UGGT2: variants seen among roughly 807,000 people sequenced by gnomAD.
The protein encoded by UGGT2 is UDP-glucose:glycoprotein glucosyltransferase 2.
Under a neutral mutation model 192.1 loss-of-function variants are expected in UGGT2, and 180 were observed. The observed-to-expected ratio is 0.94, with a 90% CI of 0.83 to 1.06. The LOEUF is 1.06. Ranked by LOEUF, UGGT2 falls within the 50% of genes least tolerant of loss-of-function variation. UGGT2 has a pLI of 0.00. For missense variants in UGGT2, 1,849 were observed against 1,795.7 expected (o/e 1.03, Z -0.54); for synonymous variants, 580 against 591.0 (o/e 0.98, Z 0.27).
At chr13:95,964,750 T>A (rs538768335) in intron 12 of UGGT2, among the ~76,000 whole-genome samples, 1 of 152,064 alleles carries the variant, frequency 6.6e-6, no homozygotes, top group African/African-American at 2.4e-5. Context: ...AAATGGGATC[T>A]AATTAAACTA....
chr13:95,981,135 T>C (rs1833141755), intron 10 of UGGT2, among the ~76,000 whole-genome samples: 1 of 152,220 alleles, frequency 6.6e-6, no homozygotes, highest in African/African-American at 2.4e-5. Context: ...AGCCAGGAGC[T>C]CTGCAGTACC....
At chr13:96,010,195 A>G (rs766622730) in intron 5 of UGGT2, among the ~76,000 whole-genome samples, 4 of 152,204 alleles carry the variant, frequency 2.6e-5, no homozygotes, top group Non-Finnish European at 5.9e-5. Context: ...GCATATGTTC[A>G]CTGCAACACT....
At chr13:95,866,648 T>C (rs1327676804) in intron 30 of UGGT2, among the ~76,000 whole-genome samples, 1 of 152,148 alleles carries the variant, frequency 6.6e-6, no homozygotes, top group South Asian at 2.1e-4. Flanking sequence ...GTAGAGGGTC[T>C]TCTAATAGAT....
At chr13:95,876,475 G>C (rs7998903) in intron 29 of UGGT2, among the ~76,000 whole-genome samples, 46,662 of 151,920 alleles carry the variant, frequency 0.31, 7,770 homozygotes, top group Non-Finnish European at 0.37. Context: ...GGGGCTACAG[G>C]ATCTGGCAGC....
In UGGT2 at chr13:96,031,899, A is replaced by G; in HGVS notation, c.231T>C (p.Tyr77=). The G allele has an allele frequency of 6.2e-7, 1 of 1,609,812 alleles. No homozygotes were observed. Among genetic ancestry groups the G allele is most frequent in the Non-Finnish European group, 8.5e-7 (1 of 1,177,994 alleles). ...TTACATATCACCTACCTGTTTGCTT[A>G]TAAATTGCTAATTCTTGCACAGTTT... is the stretch of plus-strand genomic sequence containing the variant. ...FLETVQELAI[Y]KQTESDYSYY... Residue 77 remains tyrosine (Y), a synonymous_variant, in exon 2 of 39, where the codon TAT becomes TAC. Coordinates refer to ENST00000376747, the MANE Select transcript of UGGT2 (RefSeq NM_020121.4).
intron 24 of UGGT2, among the ~76,000 whole-genome samples, chr13:95,893,910 G>A (rs61972904): frequency 1.4e-4 from 22 of 152,106 alleles, no homozygotes; most frequent in Non-Finnish European, 2.8e-4. Context: ...CTTGGTCCAC[G>A]CAGCAGCTTT....
At position 95,884,676 on chromosome 13, in the gene UGGT2, A is replaced by T. The variant is rs1366366773; in HGVS notation, c.3043T>A (p.Tyr1015Asn). 6.2e-7 allele frequency: 1 copy of T among 1,601,394 alleles called. No individual in the cohort carries two copies. Among genetic ancestry groups the T allele is most frequent in the Admixed American group, 1.8e-5 (1 of 56,826 alleles). The change falls in exon 27 of 39, where the codon TAC (tyrosine) becomes AAC (asparagine). Residue 1015 changes from tyrosine to asparagine, a missense_variant. By Grantham distance (143) the Tyr-to-Asn change is moderately radical (BLOSUM62 -2). Transcript: ENST00000376747. ...RLSEAPLESFYRFVLEPELMS... is the reference protein window; with the variant it reads ...RLSEAPLESFNRFVLEPELMS... ...AGTTCTGGTTCCAGAACAAAACGGT[A>T]AAAGCTGTTAATAAAACATAAAAAT...
At chr13:95,841,191 G>C (rs1157915204) in intron 36 of UGGT2, among the ~76,000 whole-genome samples, 1 of 152,126 alleles carries the variant, frequency 6.6e-6, no homozygotes, top group Non-Finnish European at 1.5e-5. Context: ...CGTTCACCAC[G>C]TGTATCCCAG....
At chr13:95,945,185 T>A (rs951879629) in intron 15 of UGGT2, among the ~76,000 whole-genome samples, 3 of 152,110 alleles carry the variant, frequency 2.0e-5, no homozygotes, top group African/African-American at 4.8e-5. Context: ...CACATTTCAA[T>A]AACTTCCATA....
chr13:95,877,216 TG>T, intron 29 of UGGT2, 62 bp downstream of exon 29: 1 of 1,283,788 alleles, frequency 7.8e-7, no homozygotes, highest in Non-Finnish European at 1.1e-6. Context: ...TTGATTCTCT[TG>T]GTTGTATTAC....
At chr13:96,033,733 T>C (rs1007571273) in intron 1 of UGGT2, among the ~76,000 whole-genome samples, 3 of 152,056 alleles carry the variant, frequency 2.0e-5, no homozygotes, top group African/African-American at 7.2e-5. Flanking sequence ...ATGTTTGGGG[T>C]AGTGCTGACA....
intron 12 of UGGT2, among the ~76,000 whole-genome samples, chr13:95,969,816 C>A (rs1297141139): frequency 6.6e-6 from 1 of 152,186 alleles, no homozygotes; most frequent in Non-Finnish European, 1.5e-5. Context: ...CAGATTTTAA[C>A]CATGTATTTG....
chr13:96,042,781 G>A (rs911784531), intron 1 of UGGT2, among the ~76,000 whole-genome samples: 6 of 151,858 alleles, frequency 4.0e-5, no homozygotes, highest in Non-Finnish European at 7.4e-5. Flanking sequence ...TTGAGGACAC[G>A]GTTTTAAAAT....
Position 95,898,369 on chromosome 13 carries a change from G to GCCTGCTCTCTTCCTA in UGGT2, c.2634+2423_2634+2437dup, listed in dbSNP as rs1458054283. Among the ~76,000 whole-genome samples, 75 of 152,124 alleles carry GCCTGCTCTCTTCCTA rather than the reference G, an allele frequency of 4.9e-4. 2 individuals are homozygous for GCCTGCTCTCTTCCTA. The highest frequency in any genetic ancestry group is 4.9e-3 in the Admixed American group (75 of 15,248). On this transcript the variant is annotated intron_variant, in intron 22 of 38. Coordinates refer to ENST00000376747, the MANE Select transcript of UGGT2 (RefSeq NM_020121.4). ...CAGCTACTTCTCTGGCTTCTCTCCT[G>GCCTGCTCTCTTCCTA]CCTGCTCTCTTCCTACCTGCTATTC...
chr13:95,890,323 A>T (rs2047763735), intron 25 of UGGT2, among the ~76,000 whole-genome samples: 1 of 152,164 alleles, frequency 6.6e-6, no homozygotes, highest in Admixed American at 6.5e-5. Context: ...GGTTTAAACA[A>T]TAGAAATTTA....
chr13:95,939,348 G>A (rs938274244), intron 16 of UGGT2, among the ~76,000 whole-genome samples: 1 of 152,062 alleles, frequency 6.6e-6, no homozygotes, highest in Non-Finnish European at 1.5e-5. Context: ...CCATACCCCA[G>A]AGCATTCCTC....
intron 24 of UGGT2, 34 bp downstream of exon 24, chr13:95,894,528 G>C: frequency 2.6e-6 from 4 of 1,562,992 alleles, no homozygotes; most frequent in Non-Finnish European, 3.5e-6. Context: ...TGCATTAACA[G>C]AAAAATCACA....
rs1295427536 is a variant in UGGT2 at position 95,909,799 on chromosome 13, T to TCAAA, written c.2296-6740_2296-6739insTTTG. On this transcript the variant is annotated intron_variant, in intron 20 of 38. Transcript: ENST00000376747. Reference sequence around the variant, plus strand: ...AATAATAAAAAAGATTCCTGCCCACTAAAAAAAAAAAAAAAAAAAAACTGT... The same window carrying TCAAA: ...AATAATAAAAAAGATTCCTGCCCACTCAAAAAAAAAAAAAAAAAAAAAAAACTGT... Among the ~76,000 whole-genome samples, 9 of 76,180 alleles carry TCAAA rather than the reference T, an allele frequency of 1.2e-4. 2 individuals are homozygous for TCAAA. The highest frequency in any genetic ancestry group is 4.9e-5 in the Non-Finnish European group (2 of 40,886). The allele number at this position is 76,180 out of a possible 152,430, so 50.0% of individuals were successfully genotyped here.
intron 38 of UGGT2, among the ~76,000 whole-genome samples, chr13:95,816,557 G>T (rs1221318770): frequency 6.6e-6 from 1 of 152,138 alleles, no homozygotes; most frequent in African/African-American, 2.4e-5. Flanking sequence ...TAGCATTCAA[G>T]AATAAAAAGG....
Sources: gnomAD v4.1 joint callset for allele counts (sites outside exome capture counted in the v4.1 genomes callset) on GRCh38, gnomAD v4.1.1 for gene constraint, MANE v1.5 for transcripts, NCBI Gene and HGNC (gene_info 2026-07-23, HGNC 2026-07-21) for gene names.